F11: variants seen among roughly 807,000 people sequenced by gnomAD.
F11 encodes the protein coagualtion factor XI.
A neutral mutation model predicts 76.5 loss-of-function variants in F11; 78 were observed. That is an observed-to-expected ratio of 1.02 (90% CI 0.85 to 1.23). F11 has a LOEUF of 1.23. F11 is among the 50% of genes most tolerant of loss of function. The pLI is 0.00. For missense variants in F11, 742 were observed against 771.4 expected, an observed-to-expected ratio of 0.96 and a Z score of 0.45; for synonymous variants, 278 against 276.3, an observed-to-expected ratio of 1.01 and a Z score of -0.06.
At chr4:186,281,536 A>G (rs116472721) in intron 10 of F11, among the ~76,000 whole-genome samples, 1 of 152,216 alleles carries the variant, frequency 6.6e-6, no homozygotes, top group African/African-American at 2.4e-5. Flanking sequence ...GAGCATAGTC[A>G]CGAGAGATGC....
intron 6 of F11, 90 bp downstream of exon 6, chr4:186,275,986 C>A: frequency 8.9e-7 from 1 of 1,129,148 alleles, no homozygotes; most frequent in Non-Finnish European, 1.3e-6. Flanking sequence ...CTTATGCTCA[C>A]GATGAAACGG....
intron 13 of F11, among the ~76,000 whole-genome samples, chr4:186,287,312 G>A (rs992557778): frequency 2.0e-5 from 3 of 151,756 alleles, no homozygotes; most frequent in African/African-American, 7.3e-5. Context: ...CAGCACCACT[G>A]GTGGCTCACG....
In F11 at chr4:186,288,775, AT is replaced by A; in HGVS notation, c.*162del. On this transcript the variant is annotated 3_prime_UTR_variant, in exon 15 of 15. Coordinates refer to ENST00000403665, the MANE Select transcript of F11 (RefSeq NM_000128.4). Reference sequence around the variant, plus strand: ...AGAAAACAAACTGTCACAAGTTGTTATGTCCAAAACTCCCGTTCTATGATCG... The same window carrying A: ...AGAAAACAAACTGTCACAAGTTGTTAGTCCAAAACTCCCGTTCTATGATCG... 1 of 795,892 alleles carries A rather than the reference AT, an allele frequency of 1.3e-6. No homozygotes were observed. The highest frequency in any genetic ancestry group is 2.1e-6 in the Non-Finnish European group (1 of 479,192). 49.3% of individuals were successfully genotyped at this position (795,892 alleles called of 1,614,324 possible). A position where few individuals can be genotyped will look rare whatever the true frequency, so the allele number is the denominator to read the frequency against.
At position 186,276,231 on chromosome 4, in the gene F11, C is replaced by T; in HGVS notation, c.596C>T (p.Ala199Val). ...SLKSCALSNL[A>V]CIRDIFPNTV... ...CTGACATAGTTCTTCCGTCGCGCAG[C>T]TTGTATTAGGGACATTTTCCCTAAT... The change falls in exon 7 of 15, where the codon GCT becomes GTT. Residue 199 changes from alanine to valine, a missense_variant and splice_region_variant. By Grantham distance (64) the Ala-to-Val change is moderately conservative. Transcript: ENST00000403665. 1 of 1,614,132 alleles carries T rather than the reference C, an allele frequency of 6.2e-7. No individual in the cohort carries two copies. Among genetic ancestry groups the T allele is most frequent in the Non-Finnish European group, 8.5e-7 (1 of 1,180,016 alleles).
chr4:186,266,503 T>C (rs2126697222), intron 1 of F11, among the ~76,000 whole-genome samples: 1 of 152,342 alleles, frequency 6.6e-6, no homozygotes, highest in South Asian at 2.1e-4. Context: ...TAACAGTGTC[T>C]ACTCAGTAAC....
At position 186,274,294 on chromosome 4, in the gene F11, A is replaced by G. The variant is rs202082605; in HGVS notation, c.485+19A>G. 6.2e-7 allele frequency: 1 copy of G among 1,614,128 alleles called. No individual in the cohort carries two copies. The highest frequency in any genetic ancestry group is 1.3e-5 in the African/African-American group (1 of 74,946). On this transcript the variant is annotated intron_variant, in intron 5 of 14. Transcript: ENST00000403665. ...AGCATCGGTGAGTGAGTCCCAGGACATTCGAGTGGTCGATGAAAAACAGAA... is the reference window on the plus strand; with the variant it reads ...AGCATCGGTGAGTGAGTCCCAGGACGTTCGAGTGGTCGATGAAAAACAGAA...
At chr4:186,281,331 T>C (rs1740787405) in intron 10 of F11, among the ~76,000 whole-genome samples, 2 of 152,190 alleles carry the variant, frequency 1.3e-5, no homozygotes, top group Non-Finnish European at 2.9e-5. Flanking sequence ...AGCACCTCCT[T>C]TTTAGGGTCT....
rs545231628 is a variant in F11, at chr4:186,268,649, T to A, written c.55+1458T>A. Among the ~76,000 whole-genome samples the A allele has an allele frequency of 2.6e-5, 4 of 152,090 alleles. No homozygotes were observed. The South Asian group carries it at 6.2e-4, about 24-fold the overall frequency. ...AGCTAGAATAATAATAAAAAGGGAA[T>A]TGAAAATCTGCAAATGTTTGAAAAT... On this transcript the variant is annotated intron_variant, in intron 2 of 14. Transcript: ENST00000403665.
At chr4:186,273,700 G>A (rs973181585) in intron 4 of F11, among the ~76,000 whole-genome samples, 2 of 152,180 alleles carry the variant, frequency 1.3e-5, no homozygotes, top group African/African-American at 2.4e-5. Context: ...TGATCTGCCC[G>A]CCTCGGCCTT....
chr4:186,286,365 AGAG>A (rs746010925), intron 12 of F11, 47 bp from the exon 13 acceptor site: 4 of 1,419,208 alleles, frequency 2.8e-6, no homozygotes, highest in Non-Finnish European at 4.0e-6. Context: ...CTTCTGGAAA[AGAG>A]GATATATTTT....
At chr4:186,281,796 A>G (rs1580093443) in intron 10 of F11, 1 of 988,428 alleles carries the variant, frequency 1.0e-6, no homozygotes, top group East Asian at 6.3e-5. Context: ...TAGAAGCACA[A>G]AAACATTCTG....
At position 186,289,175 on chromosome 4, in the gene F11, A is replaced by C. The variant is rs936669558; in HGVS notation, c.*561A>C. 6.6e-6 allele frequency among the ~76,000 whole-genome samples: 1 copy of C among 152,234 alleles called. No individual in the cohort carries two copies. Among genetic ancestry groups the C allele is most frequent in the African/African-American group, 2.4e-5 (1 of 41,452 alleles). ...TTTAAAATATATATTAAAAAAAATC[A>C]GTTCGAGTAGACACGAGCTAAGAGT... On this transcript the variant is annotated 3_prime_UTR_variant, in exon 15 of 15. Coordinates refer to ENST00000403665, the MANE Select transcript of F11 (RefSeq NM_000128.4).
Position 186,289,019 on chromosome 4 carries a change from C to CTTTGTT in F11, c.*405_*406insTTTGTT. The CTTTGTT allele has an allele frequency of 3.8e-6, 1 of 265,720 alleles. No individual in the cohort carries two copies. The highest frequency in any genetic ancestry group is 7.4e-6 in the Non-Finnish European group (1 of 135,596). 16.5% of individuals were successfully genotyped at this position (265,720 alleles called of 1,614,324 possible). On this transcript the variant is annotated 3_prime_UTR_variant, in exon 15 of 15. Transcript: ENST00000403665. ...AGATGAAAACTGGAAGAAAGGAGAACAAAGACAGTCTTCACCATTTTGCAG... is the reference window on the plus strand; with the variant it reads ...AGATGAAAACTGGAAGAAAGGAGAACTTTGTTAAAGACAGTCTTCACCATTTTGCAG...
chr4:186,282,614 G>A (rs1740886811), intron 10 of F11: 2 of 985,082 alleles, frequency 2.0e-6, no homozygotes, highest in South Asian at 9.4e-5. Flanking sequence ...CTCTCACCTG[G>A]ACCTTGAGTT....
chr4:186,268,915 G>A (rs1739709232), intron 2 of F11, among the ~76,000 whole-genome samples: 1 of 152,076 alleles, frequency 6.6e-6, no homozygotes, highest in East Asian at 1.9e-4. Flanking sequence ...GAAATTAGAA[G>A]GCAGAAAGAA....
rs4253398 is a variant in F11 at position 186,266,907 on chromosome 4, T to C, written c.-1-229T>C. ...GGAGGAGGGGAGAGCGCTGCTTCCC[T>C]GTGGGTTCCGGCTTCTGCAGAGCTG... On this transcript the variant is annotated intron_variant, in intron 1 of 14. Transcript: ENST00000403665. Among the ~76,000 whole-genome samples the C allele has an allele frequency of 0.22, 33,593 of 151,906 alleles. 3,970 individuals are homozygous for C. Among genetic ancestry groups the C allele is most frequent in the Middle Eastern group, 0.38 (111 of 294 alleles).
chr4:186,269,562 G>A (rs1739770575), intron 2 of F11, among the ~76,000 whole-genome samples: 1 of 152,138 alleles, frequency 6.6e-6, no homozygotes, highest in Non-Finnish European at 1.5e-5. Context: ...TCATCAAGAC[G>A]GAAATTAGAA....
chr4:186,267,248 C>T (rs1223600814), intron 2 of F11, 57 bp downstream of exon 2: 4 of 1,029,454 alleles, frequency 3.9e-6, no homozygotes, highest in Non-Finnish European at 6.2e-6. Flanking sequence ...ACTGCAATCT[C>T]CACACATGTG....
chr4:186,275,654 C>T, intron 5 of F11, 133 bp from the exon 6 acceptor site: 3 of 698,920 alleles, frequency 4.3e-6, no homozygotes. Flanking sequence ...CCATGCCCAG[C>T]CATTCAGCCT....
Sources: gnomAD v4.1 joint callset for allele counts (sites outside exome capture counted in the v4.1 genomes callset) on GRCh38, gnomAD v4.1.1 for gene constraint, MANE v1.5 for transcripts, NCBI Gene and HGNC (gene_info 2026-07-23, HGNC 2026-07-21) for gene names.